The following SLC16A7 variants were observed in gnomAD, a reference collection of about 807,000 sequenced individuals.
The protein encoded by SLC16A7 is solute carrier family 16 member 7, also known as monocarboxylate transporter 2.
A neutral mutation model predicts 34.9 loss-of-function variants in SLC16A7; 33 were observed. The observed-to-expected ratio is 0.94, with a 90% confidence interval of 0.72 to 1.26. SLC16A7 has a LOEUF of 1.26. Ranked by LOEUF, SLC16A7 falls within the 50% of genes most tolerant of loss-of-function variation. SLC16A7 has a pLI of 0.00. For missense variants in SLC16A7, 573 were observed against 578.1 expected, an observed-to-expected ratio of 0.99 and a Z score of 0.09; for synonymous variants, 201 against 206.6, an observed-to-expected ratio of 0.97 and a Z score of 0.23.
At chr12:59,659,062 A>C (rs1161443893) in intron 2 of SLC16A7, among the ~76,000 whole-genome samples, 1 of 152,050 alleles carries the variant, frequency 6.6e-6, no homozygotes, top group African/African-American at 2.4e-5. Flanking sequence ...AGGTAGTTTT[A>C]TTATTTTGCC....
intron 1 of SLC16A7, among the ~76,000 whole-genome samples, chr12:59,628,675 CGTGT>C (rs559754829): frequency 6.6e-6 from 1 of 151,216 alleles, no homozygotes; most frequent in African/African-American, 2.4e-5. Context: ...TGTGCATGTG[CGTGT>C]GTGTGTGCGC....
rs528268921 is a variant in SLC16A7, at chr12:59,770,843, C to G, written c.218-376C>G. ...TTCTAGAAAATAAAATTTTAACAGA[C>G]AAGTCATTTATGTAATTCCTAGATT... is the stretch of plus-strand genomic sequence containing the variant. On this transcript the variant is annotated intron_variant, in intron 3 of 5. Transcript: ENST00000547379. Among the ~76,000 whole-genome samples, 5 of 152,220 alleles carry G rather than the reference C, an allele frequency of 3.3e-5. No individual in the cohort carries two copies. In the South Asian group the frequency reaches 6.2e-4, roughly 19 times the overall value.
intron 3 of SLC16A7, among the ~76,000 whole-genome samples, chr12:59,760,620 C>T (rs1336684257): frequency 6.6e-6 from 1 of 151,928 alleles, no homozygotes; most frequent in African/African-American, 2.4e-5. Context: ...CTATACTTGC[C>T]TTTTTTCTTC....
chr12:59,606,221 T>C (rs1033045671), intron 1 of SLC16A7, among the ~76,000 whole-genome samples: 1 of 152,194 alleles, frequency 6.6e-6, no homozygotes, highest in African/African-American at 2.4e-5. Flanking sequence ...CTGGCACATA[T>C]ATGAGGAGAT....
At chr12:59,751,753 T>A (rs1450589111) in intron 3 of SLC16A7, among the ~76,000 whole-genome samples, 1 of 152,196 alleles carries the variant, frequency 6.6e-6, no homozygotes, top group African/African-American at 2.4e-5. Context: ...AAGAGAGCAG[T>A]GGTTCTCCCA....
At chr12:59,736,491 T>C (rs1877620865) in intron 3 of SLC16A7, among the ~76,000 whole-genome samples, 1 of 152,180 alleles carries the variant, frequency 6.6e-6, no homozygotes, top group Non-Finnish European at 1.5e-5. Flanking sequence ...TTCACTTTGG[T>C]CAGGCATCAC....
chr12:59,652,819 C>T (rs1288566930), intron 1 of SLC16A7, among the ~76,000 whole-genome samples: 1 of 151,542 alleles, frequency 6.6e-6, no homozygotes, highest in Admixed American at 6.6e-5. Flanking sequence ...GAAAAAGTTG[C>T]CTTTTAATAT....
chr12:59,734,851 A>G (rs1387073083), intron 3 of SLC16A7, among the ~76,000 whole-genome samples: 1 of 152,370 alleles, frequency 6.6e-6, no homozygotes, highest in African/African-American at 2.4e-5. Context: ...GAGTAGTTTC[A>G]TTAGGTATAT....
intron 1 of SLC16A7, among the ~76,000 whole-genome samples, chr12:59,614,935 G>A (rs1165902945): frequency 1.3e-5 from 2 of 151,152 alleles, no homozygotes; most frequent in African/African-American, 4.9e-5. Context: ...CCCGGGAGGT[G>A]GAGTTTGCAG....
rs1878384796 is a variant in SLC16A7, at chr12:59,596,225, A to C, written c.-141A>C. ...GGCTGCAGCGCCCACCCTGCGCCAG[A>C]GACCAGATAAAGTAAGTACAGCTGG... is the stretch of plus-strand genomic sequence containing the variant. On this transcript the variant is annotated 5_prime_UTR_variant, in exon 1 of 6. Coordinates refer to ENST00000547379, the MANE Select transcript of SLC16A7 (RefSeq NM_001270623.2). The surrounding 1 kb of genome is among the most constrained non-coding windows in gnomAD (Gnocchi z 5.0). 2 of 152,608 alleles carry C rather than the reference A, an allele frequency of 1.3e-5. No individual in the cohort carries two copies. Among genetic ancestry groups the C allele is most frequent in the South Asian group, 4.1e-4 (2 of 4,834 alleles). The allele number at this position is 152,608 out of a possible 1,614,324, so 9.5% of individuals were successfully genotyped here.
Position 59,740,254 on chromosome 12 carries a change from T to C in SLC16A7, c.218-30965T>C, listed in dbSNP as rs573235356. On this transcript the variant is annotated intron_variant, in intron 3 of 5. Transcript: ENST00000547379. ...TAAGGAAGGGATCCAGTTTCAGCTT[T>C]CTACATATGGCTAGCCAGTTTTCCC... Among the ~76,000 whole-genome samples, 3 of 152,104 alleles carry C rather than the reference T, an allele frequency of 2.0e-5. No homozygotes were observed. The South Asian group carries it at 6.2e-4, about 32-fold the overall frequency.
rs1225320274 is a variant in SLC16A7 at position 59,670,056 on chromosome 12, G to C, written c.-31+14806G>C. Among the ~76,000 whole-genome samples the C allele has an allele frequency of 2.0e-5, 3 of 152,280 alleles. No individual in the cohort carries two copies. In the East Asian group the frequency reaches 5.8e-4, roughly 29 times the overall value. ...TTGGAAACAAAATATCTGAAATCAA[G>C]GTGTCAGCTGGGCTGTGCTTTCTTG... is the stretch of plus-strand genomic sequence containing the variant. On this transcript the variant is annotated intron_variant, in intron 2 of 5. Transcript: ENST00000547379.
intron 1 of SLC16A7, among the ~76,000 whole-genome samples, chr12:59,601,196 T>A (rs1878666322): frequency 6.6e-6 from 1 of 152,226 alleles, no homozygotes; most frequent in African/African-American, 2.4e-5. Context: ...CACCTCATAA[T>A]ACAATATGTA....
intron 3 of SLC16A7, chr12:59,763,957 C>A (rs891537565): frequency 6.6e-6 from 1 of 152,176 alleles, no homozygotes; most frequent in African/African-American, 2.4e-5. Context: ...TCTCCTAGGG[C>A]CTCTCTACTG....
At chr12:59,690,110 T>C (rs901163376) in intron 2 of SLC16A7, among the ~76,000 whole-genome samples, 1 of 152,020 alleles carries the variant, frequency 6.6e-6, no homozygotes, top group African/African-American at 2.4e-5. Flanking sequence ...ACAATGATTG[T>C]TATCATCCTC....
chr12:59,636,973 G>T (rs1880457249), intron 1 of SLC16A7, among the ~76,000 whole-genome samples: 1 of 152,016 alleles, frequency 6.6e-6, no homozygotes, highest in African/African-American at 2.4e-5. Context: ...AAGTACCTCT[G>T]ACCTTTCAGC....
rs147734034 is a variant in SLC16A7, at chr12:59,641,098, C to T, written c.-129-14054C>T. On this transcript the variant is annotated intron_variant, in intron 1 of 5. Coordinates refer to ENST00000547379, the MANE Select transcript of SLC16A7 (RefSeq NM_001270623.2). Reference sequence around the variant, plus strand: ...CTATAAATTGGAGATGTGATAGCTGCCAGGAAATGATGTAGGGAGAAATGG... The same window carrying T: ...CTATAAATTGGAGATGTGATAGCTGTCAGGAAATGATGTAGGGAGAAATGG... 1.1e-4 allele frequency among the ~76,000 whole-genome samples: 16 copies of T among 151,988 alleles called. No homozygotes were observed. In the East Asian group the frequency reaches 3.1e-3, roughly 29 times the overall value.
At chr12:59,758,574 G>A (rs1002337524) in intron 3 of SLC16A7, among the ~76,000 whole-genome samples, 17 of 151,544 alleles carry the variant, frequency 1.1e-4, no homozygotes, top group African/African-American at 3.4e-4. Flanking sequence ...AATAAAGCAG[G>A]GAGAAACAAA....
chr12:59,777,724 G>A lies in SLC16A7; in HGVS notation c.1181-1699G>A, dbSNP rs61933846. Among the ~76,000 whole-genome samples the A allele has an allele frequency of 1.2e-4, 18 of 151,376 alleles. No individual in the cohort carries two copies. In the South Asian group the frequency reaches 3.1e-3, roughly 26 times the overall value. ...ATGTGCAGGTTAGTTACATATGTATGCATGTGCCATGCTGGTGTGCTGTAC... is the reference window on the plus strand; with the variant it reads ...ATGTGCAGGTTAGTTACATATGTATACATGTGCCATGCTGGTGTGCTGTAC... On this transcript the variant is annotated intron_variant, in intron 5 of 5. Transcript: ENST00000547379.
Sources: allele counts gnomAD v4.1 joint callset (sites outside exome capture counted in the v4.1 genomes callset), GRCh38; gene constraint gnomAD v4.1.1; non-coding constraint Gnocchi (gnomAD v3.1); transcripts MANE v1.5; gene names NCBI Gene and HGNC (gene_info 2026-07-23, HGNC 2026-07-21).